The following ZNF680 variants were observed in gnomAD, a reference collection of about 807,000 sequenced individuals.
ZNF680 encodes hypothetical protein FLJ90430.
Under a neutral mutation model 12.1 loss-of-function variants are expected in ZNF680, and 6 were observed. That is an observed-to-expected ratio of 0.49 (90% CI 0.27 to 0.98). The LOEUF is 0.98. Ranked by LOEUF, ZNF680 falls within the 50% of genes least tolerant of loss-of-function variation. The probability of loss-of-function intolerance (pLI) is 0.12; values close to 1 mark genes in which losing one functional copy is unlikely to be tolerated. For synonymous variants in ZNF680, 170 were observed against 199.3 expected (o/e 0.85, Z 1.24); for missense variants, 561 against 616.3 (o/e 0.91, Z 0.95).
At chr7:64,536,228 AACTTAG>A (rs1429372002) in intron 3 of ZNF680, among the ~76,000 whole-genome samples, 2 of 152,188 alleles carry the variant, frequency 1.3e-5, no homozygotes, top group Non-Finnish European at 2.9e-5. Context: ...GAAAACAGAA[AACTTAG>A]ACATTATAGA....
At chr7:64,531,513 C>T (rs12534909) in intron 3 of ZNF680, among the ~76,000 whole-genome samples, 3,808 of 146,712 alleles carry the variant, frequency 0.026, 102 homozygotes, top group African/African-American at 0.057. Context: ...AGGAGAATGG[C>T]GTGAACTCAG....
intron 1 of ZNF680, among the ~76,000 whole-genome samples, chr7:64,549,595 G>C (rs1786962183): frequency 6.6e-6 from 1 of 151,940 alleles, no homozygotes; most frequent in South Asian, 2.1e-4. Context: ...TGCATTCTTG[G>C]GTGTTACAGC....
At chr7:64,500,949 A>G in the ZNF680 span, 1 of 646,638 alleles carries the variant, frequency 1.5e-6, no homozygotes, top group Non-Finnish European at 3.0e-6. Flanking sequence ...ATGTGCAGCA[A>G]AATTGTGGGT....
At chr7:64,527,448 C>G (rs1252153600) in intron 3 of ZNF680, among the ~76,000 whole-genome samples, 1 of 152,094 alleles carries the variant, frequency 6.6e-6, no homozygotes, top group Non-Finnish European at 1.5e-5. Context: ...GTAATCCCAG[C>G]AGTTTGGGAG....
intron 1 of ZNF680, among the ~76,000 whole-genome samples, chr7:64,548,808 G>C (rs1786914330): frequency 6.6e-6 from 1 of 152,008 alleles, no homozygotes; most frequent in Admixed American, 6.6e-5. Flanking sequence ...AAGCAGGAGA[G>C]ACTCAGGGTG....
chr7:64,560,360 C>T (rs1002942869), intron 1 of ZNF680, among the ~76,000 whole-genome samples: 8 of 152,108 alleles, frequency 5.3e-5, no homozygotes, highest in Non-Finnish European at 8.8e-5. Context: ...GTGATCCACC[C>T]CTCTTGGCAT....
chr7:64,544,664 GTA>G (rs1562764124), intron 1 of ZNF680, among the ~76,000 whole-genome samples: 1 of 152,090 alleles, frequency 6.6e-6, no homozygotes, highest in Admixed American at 6.6e-5. Context: ...CAACATCAGT[GTA>G]TATATACTTT....
chr7:64,550,878 C>G (rs1787040116), intron 1 of ZNF680, among the ~76,000 whole-genome samples: 1 of 152,176 alleles, frequency 6.6e-6, no homozygotes, highest in African/African-American at 2.4e-5. Context: ...ATGTTTATGT[C>G]ATGTCTGGTA....
intron 1 of ZNF680, among the ~76,000 whole-genome samples, chr7:64,559,005 T>G (rs1266512378): frequency 6.6e-6 from 1 of 152,096 alleles, no homozygotes; most frequent in East Asian, 1.9e-4. Context: ...ATTGGCTACA[T>G]TCCCATGAGG....
intron 1 of ZNF680, among the ~76,000 whole-genome samples, chr7:64,554,318 A>C (rs186040223): frequency 0.22 from 33,852 of 150,650 alleles, 3,972 homozygotes; most frequent in South Asian, 0.28. Context: ...CCGGCCACCC[A>C]GTCTGGGAAG....
chr7:64,512,457 CAAAAAAAAAA>C, the ZNF680 span, among the ~76,000 whole-genome samples: 8 of 87,240 alleles, frequency 9.2e-5, no homozygotes, highest in Non-Finnish European at 1.4e-4. Flanking sequence ...CCGTCTCCAG[CAAAAAAAAAA>C]AAAAAAAAAA....
At chr7:64,560,688 T>C (rs1787685387) in intron 1 of ZNF680, among the ~76,000 whole-genome samples, 1 of 152,014 alleles carries the variant, frequency 6.6e-6, no homozygotes, top group Non-Finnish European at 1.5e-5. Context: ...GGCTAGCGCC[T>C]GTAGTCTCAG....
At chr7:64,504,024 C>T in the ZNF680 span, among the ~76,000 whole-genome samples, 3 of 151,910 alleles carry the variant, frequency 2.0e-5, no homozygotes, top group Non-Finnish European at 4.4e-5. Context: ...CTATTGAGCT[C>T]GGGTAATATT....
the ZNF680 span, among the ~76,000 whole-genome samples, chr7:64,503,833 C>T: frequency 2.1e-3 from 321 of 152,306 alleles, 3 homozygotes; most frequent in African/African-American, 7.4e-3. Context: ...ATCACTTCCA[C>T]TCACTACTAG....
chr7:64,559,683 T>C (rs558301905), intron 1 of ZNF680, among the ~76,000 whole-genome samples: 3 of 152,210 alleles, frequency 2.0e-5, no homozygotes, highest in South Asian at 4.1e-4. Context: ...GGTTTCACCA[T>C]GTTGTCCAGG....
Position 64,562,914 on chromosome 7 carries a change from C to CCG in ZNF680, c.30+10_30+11insCG. ...CTCCCCCTCTCTCGGGGTGTCGGAC[C>CCG]GCACTCTCACCATTTCTAGGCTTCC... is the stretch of plus-strand genomic sequence containing the variant. On this transcript the variant is annotated intron_variant, in intron 1 of 3. Coordinates refer to ENST00000309683, the MANE Select transcript of ZNF680 (RefSeq NM_178558.5). 1 of 1,613,614 alleles carries CCG rather than the reference C, an allele frequency of 6.2e-7. No homozygotes were observed. Among genetic ancestry groups the CCG allele is most frequent in the Middle Eastern group, 1.7e-4 (1 of 6,060 alleles).
rs1422422745 is a variant in ZNF680 at position 64,543,627 on chromosome 7, A to C, written c.253+80T>G. ...TCTGGAACATAGCTTCCCAAATCCC[A>C]TGTCAAGAACTGACTTTCTCTTTGA... On this transcript the variant is annotated intron_variant, in intron 3 of 3. Coordinates refer to ENST00000309683, the MANE Select transcript of ZNF680 (RefSeq NM_178558.5). 3 of 1,233,242 alleles carry C rather than the reference A, an allele frequency of 2.4e-6. No homozygotes were observed. In the African/African-American group the frequency reaches 4.7e-5, roughly 19 times the overall value. 76.4% of individuals were successfully genotyped at this position (1,233,242 alleles called of 1,614,324 possible). A position where few individuals can be genotyped will look rare whatever the true frequency, so the allele number is the denominator to read the frequency against.
intron 3 of ZNF680, among the ~76,000 whole-genome samples, chr7:64,528,858 G>A (rs1200861387): frequency 6.6e-6 from 1 of 152,146 alleles, no homozygotes; most frequent in East Asian, 1.9e-4. Context: ...CCCAGAAGGA[G>A]GCAAATCAGC....
In ZNF680 at chr7:64,522,308, G is replaced by A; in HGVS notation, c.446C>T (p.Thr149Ile). ...ATCACATTGAAATATTTTGCTCTGG[G>A]TAGTTCTCAAACATTGGTTAAGTTC... ...YNELNQCLRT[T>I]QSKIFQCDKY... is the part of the protein sequence containing the mutation. Residue 149 changes from threonine (T) to isoleucine (I), a missense_variant, in exon 4 of 4, where the codon ACC (threonine) becomes ATC (isoleucine). Coordinates refer to ENST00000309683, the MANE Select transcript of ZNF680 (RefSeq NM_178558.5). 6.2e-7 allele frequency: 1 copy of A among 1,612,932 alleles called. No homozygotes were observed. The highest frequency in any genetic ancestry group is 1.1e-5 in the South Asian group (1 of 90,986).
Sources: allele counts gnomAD v4.1 joint callset (sites outside exome capture counted in the v4.1 genomes callset), GRCh38; gene constraint gnomAD v4.1.1; transcripts MANE v1.5; gene names NCBI Gene and HGNC (gene_info 2026-07-23, HGNC 2026-07-21).